The following NFATC1 variants were observed in gnomAD, a reference collection of about 807,000 sequenced individuals.
NFATC1 encodes nuclear factor of activated T cells 1.
A neutral mutation model predicts 76.0 loss-of-function variants in NFATC1; 22 were observed. That is an observed-to-expected ratio of 0.29 (90% CI 0.21 to 0.41). NFATC1 has a LOEUF of 0.41. NFATC1 is among the 10% of genes least tolerant of loss of function. The pLI is 1.00. For synonymous variants in NFATC1, 704 were observed against 613.1 expected (o/e 1.15, Z -2.19); for missense variants, 1,357 against 1,337.7 (o/e 1.01, Z -0.23).
chr18:79,448,446 C>T (rs1600741383), intron 3 of NFATC1: 4 of 346,010 alleles, frequency 1.2e-5, no homozygotes, highest in African/African-American at 2.1e-5. Context: ...ATTGGTGAAG[C>T]GAGCCTTGCA....
rs148104245 is a variant in NFATC1, at chr18:79,410,472, C to T, written c.197C>T (p.Pro66Leu). The change falls in exon 2 of 10, where the codon CCG (proline) becomes CTG (leucine). Residue 66 changes from proline (P) to leucine (L), a missense_variant. By Grantham distance (98) the Pro-to-Leu change is moderately conservative. Coordinates refer to ENST00000427363, the MANE Select transcript of NFATC1 (RefSeq NM_001278669.2). This position sits in a 1 kb window ranked among gnomAD's most constrained non-coding sequence, Gnocchi z 6.7. ...CTCCCCACGGCGCACTCCACCCTGCCGGCCCCGTGCCACAACCTTCAGACC... is the reference window on the plus strand; with the variant it reads ...CTCCCCACGGCGCACTCCACCCTGCTGGCCCCGTGCCACAACCTTCAGACC... ...LPLPTAHSTLPAPCHNLQTST... is the reference protein window; with the variant it reads ...LPLPTAHSTLLAPCHNLQTST... 6.6e-5 allele frequency: 106 copies of T among 1,612,424 alleles called. No homozygotes were observed. The African/African-American group carries it at 8.3e-4, about 13-fold the overall frequency.
chr18:79,398,821 C>G (rs1025385419), intron 1 of NFATC1, among the ~76,000 whole-genome samples: 1 of 152,268 alleles, frequency 6.6e-6, no homozygotes, highest in Non-Finnish European at 1.5e-5. Flanking sequence ...GTAATCCCAG[C>G]ACTTTGGGAG....
chr18:79,473,001 G>A (rs1052835260), intron 8 of NFATC1, among the ~76,000 whole-genome samples: 1 of 152,230 alleles, frequency 6.6e-6, no homozygotes, highest in Non-Finnish European at 1.5e-5. Flanking sequence ...AGGAACCAGG[G>A]TGGCCTCCCC....
At chr18:79,509,719 A>T (rs1298472535) in intron 9 of NFATC1, among the ~76,000 whole-genome samples, 2 of 152,240 alleles carry the variant, frequency 1.3e-5, no homozygotes, top group African/African-American at 4.8e-5. Context: ...AACACCCATG[A>T]CACCTGAGCA....
intron 8 of NFATC1, among the ~76,000 whole-genome samples, chr18:79,471,157 C>T (rs149709461): frequency 6.6e-5 from 10 of 152,280 alleles, no homozygotes; most frequent in Admixed American, 3.3e-4. Flanking sequence ...TTTAATCTCC[C>T]GGAAGGCGCG....
Position 79,396,356 on chromosome 18 carries a change from G to T in NFATC1, c.127+5G>T. On this transcript the variant is annotated splice_donor_5th_base_variant and intron_variant, in intron 1 of 9. Transcript: ENST00000427363. ...CCATGAAGTCAGCGGAGGAAGGTAA[G>T]CCCCGCGCGGCCTCCGCCCCCGGAC... is the stretch of plus-strand genomic sequence containing the variant. 1 of 1,327,848 alleles carries T rather than the reference G, an allele frequency of 7.5e-7. No individual in the cohort carries two copies. Among genetic ancestry groups the T allele is most frequent in the African/African-American group, 1.5e-5 (1 of 65,164 alleles). 82.3% of individuals were successfully genotyped at this position (1,327,848 alleles called of 1,614,324 possible).
chr18:79,484,971 G>A (rs1252811668), intron 8 of NFATC1, among the ~76,000 whole-genome samples: 4 of 152,398 alleles, frequency 2.6e-5, no homozygotes, highest in South Asian at 2.1e-4. Flanking sequence ...GCACCCAGCC[G>A]TGGCGGGGAA....
At chr18:79,491,567 G>C (rs2089677393) in intron 9 of NFATC1, among the ~76,000 whole-genome samples, 2 of 152,230 alleles carry the variant, frequency 1.3e-5, no homozygotes, top group Admixed American at 1.3e-4. Flanking sequence ...CTCCTGGCCA[G>C]CCCCGAGCCC....
At chr18:79,422,552 G>C (rs2086133081) in intron 2 of NFATC1, 1 of 152,290 alleles carries the variant, frequency 6.6e-6, no homozygotes, top group Admixed American at 6.5e-5. Context: ...CCCGGCTGCA[G>C]CAGCTACTGT....
chr18:79,452,105 G>A (rs1568979534), intron 6 of NFATC1: 6 of 284,754 alleles, frequency 2.1e-5, no homozygotes, highest in East Asian at 7.2e-5. Context: ...GGCTGGGGAC[G>A]CAGAGGAGGG....
At position 79,486,735 on chromosome 18, in the gene NFATC1, C is replaced by T. The variant is rs2089510867; in HGVS notation, c.2580C>T (p.Cys860=). Residue 860 remains cysteine, a synonymous_variant, in exon 9 of 10, where the codon TGC becomes TGT. Coordinates refer to ENST00000427363, the MANE Select transcript of NFATC1 (RefSeq NM_001278669.2). ...PLPPATQEPT[C]LQPCSPACPP... ...CGCCTGCCACCCAAGAGCCGACCTG[C>T]CTGCAGCCCTGCAGCCCAGCGTGCC... The T allele has an allele frequency of 6.3e-7, 1 of 1,599,098 alleles. No homozygotes were observed. The highest frequency in any genetic ancestry group is 1.7e-5 in the Admixed American group (1 of 58,916).
At chr18:79,423,874 C>A (rs528175185) in intron 2 of NFATC1, among the ~76,000 whole-genome samples, 8 of 152,312 alleles carry the variant, frequency 5.3e-5, no homozygotes, top group Non-Finnish European at 8.8e-5. Flanking sequence ...CAGAGTCAGG[C>A]GGCCTTGGCT....
chr18:79,427,406 ATGG>A (rs2086387631), intron 2 of NFATC1, among the ~76,000 whole-genome samples: 1 of 86,908 alleles, frequency 1.2e-5, no homozygotes. Flanking sequence ...GGGGAGCTGG[ATGG>A]CTGGCCTCTG....
chr18:79,407,983 G>A (rs929293305), intron 1 of NFATC1, among the ~76,000 whole-genome samples: 2 of 106,960 alleles, frequency 1.9e-5, no homozygotes, highest in African/African-American at 6.2e-5. Flanking sequence ...CTCCATCGCA[G>A]CTCTGTTTCT....
At chr18:79,513,577 C>T (rs1019601092) in intron 9 of NFATC1, among the ~76,000 whole-genome samples, 2 of 152,260 alleles carry the variant, frequency 1.3e-5, no homozygotes, top group African/African-American at 4.8e-5. Flanking sequence ...GCTTTCCCGC[C>T]GGCGGGGGCG....
At chr18:79,489,581 C>T (rs1260894816) in intron 9 of NFATC1, among the ~76,000 whole-genome samples, 6 of 152,238 alleles carry the variant, frequency 3.9e-5, no homozygotes, top group African/African-American at 1.4e-4. Flanking sequence ...GCGGGCCTCT[C>T]TCCCCATTTT....
intron 9 of NFATC1, among the ~76,000 whole-genome samples, chr18:79,493,230 C>A (rs960009458): frequency 6.6e-6 from 1 of 152,238 alleles, no homozygotes; most frequent in African/African-American, 2.4e-5. Flanking sequence ...CCGCTGGGGG[C>A]GGACTCGCGG....
intron 8 of NFATC1, among the ~76,000 whole-genome samples, chr18:79,483,411 G>GTGGGGTGTCATTCCGGCGTGACCTGGTCC (rs2089376756): frequency 2.9e-5 from 2 of 68,430 alleles, no homozygotes; most frequent in South Asian, 3.9e-4. Context: ...GACCTGGTTC[G>GTGGGGTGTCATTCCGGCGTGACCTGGTCC]TGGGGTGTCA....
At chr18:79,475,981 G>A (rs751688861) in intron 8 of NFATC1, among the ~76,000 whole-genome samples, 51 of 152,336 alleles carry the variant, frequency 3.3e-4, no homozygotes, top group Non-Finnish European at 5.9e-4. Flanking sequence ...AGCATCCGAC[G>A]GGCGCACCTG....
Sources: gnomAD v4.1 joint callset for allele counts (sites outside exome capture counted in the v4.1 genomes callset) on GRCh38, gnomAD v4.1.1 for gene constraint, Gnocchi (gnomAD v3.1) non-coding constraint, MANE v1.5 for transcripts, NCBI Gene and HGNC (gene_info 2026-07-23, HGNC 2026-07-21) for gene names.